Variants in SYNE2 observed in about 807,000 individuals in gnomAD.
The protein encoded by SYNE2 is spectrin repeat containing nuclear envelope protein 2, also known as nesprin-2.
In SYNE2, 431 loss-of-function variants were observed where a neutral mutation model predicts 856.3. The observed-to-expected ratio is 0.50, with a 90% CI of 0.47 to 0.55. The LOEUF (loss-of-function observed/expected upper bound fraction) is 0.55. Ranked by LOEUF, SYNE2 falls within the 20% of genes least tolerant of loss-of-function variation. The pLI, the probability that SYNE2 is intolerant of heterozygous loss-of-function variation, is 0.00. For missense variants in SYNE2, 8,129 were observed against 8,023.2 expected (o/e 1.01, Z -0.50); for synonymous variants, 2,923 against 2,872.3 (o/e 1.02, Z -0.56).
At chr14:64,030,752 A>G in intron 44 of SYNE2, among the ~76,000 whole-genome samples, 1 of 152,226 alleles carries the variant, frequency 6.6e-6, no homozygotes, top group East Asian at 1.9e-4. Flanking sequence ...AAACATATAT[A>G]TTCAACGAAT....
At chr14:63,791,967 T>C (rs1313299934) in intron 1 of SYNE2, among the ~76,000 whole-genome samples, 2 of 143,720 alleles carry the variant, frequency 1.4e-5, no homozygotes, top group Admixed American at 6.9e-5. Flanking sequence ...AAAACAAAAC[T>C]TAAAAATGAA....
intron 2 of SYNE2, among the ~76,000 whole-genome samples, chr14:63,919,972 G>GTTTTTTTTTTTTTTTTTT (rs10673123): frequency 0.013 from 1,459 of 110,100 alleles, 60 homozygotes; most frequent in South Asian, 0.022. Context: ...TAAAAGGTAA[G>GTTTTTTTTTTTTTTTTTT]TTTTTTTTTT....
intron 1 of SYNE2, among the ~76,000 whole-genome samples, chr14:63,881,465 A>G (rs2094862150): frequency 6.6e-6 from 1 of 151,962 alleles, no homozygotes; most frequent in Admixed American, 6.6e-5. Flanking sequence ...CCTAGGCAGC[A>G]TAGTGAGACC....
chr14:63,825,108 G>A (rs550979265), intron 1 of SYNE2, among the ~76,000 whole-genome samples: 1 of 152,096 alleles, frequency 6.6e-6, no homozygotes, highest in South Asian at 2.1e-4. Flanking sequence ...AAAAAAAAAA[G>A]TTAGGGACAG....
At chr14:63,923,999 G>T (rs984192851) in intron 2 of SYNE2, among the ~76,000 whole-genome samples, 5 of 151,472 alleles carry the variant, frequency 3.3e-5, no homozygotes, top group African/African-American at 1.2e-4. Context: ...TAGAGACACG[G>T]TTTCACCATG....
chr14:64,129,879 TC>T lies in SYNE2; in HGVS notation c.14119del (p.Gln4707ArgfsTer6). 1 of 1,614,156 alleles carries T rather than the reference TC, an allele frequency of 6.2e-7. No individual in the cohort carries two copies. The highest frequency in any genetic ancestry group is 1.1e-5 in the South Asian group (1 of 91,082). On this transcript the variant is annotated frameshift_variant, in exon 75 of 116. Transcript: ENST00000555002. LOFTEE classifies it high-confidence loss of function. The stretch of plus-strand genomic sequence containing the variant: ...AGGCTTCATTTACCTTATGCTTTAC[TC>T]CAGGAGGTTTACAAATTAGAGGTAT... The part of the protein sequence containing the change: ...GERLHLPYAL[L>X]QEVYKLEDVL...
intron 23 of SYNE2, among the ~76,000 whole-genome samples, chr14:63,996,222 T>A (rs934735420): frequency 6.6e-6 from 1 of 152,218 alleles, no homozygotes; most frequent in African/African-American, 2.4e-5. Context: ...TCAGCCTTAA[T>A]TAAATCTGTT....
At chr14:64,170,854 A>T (rs895333889) in intron 94 of SYNE2, among the ~76,000 whole-genome samples, 1 of 152,200 alleles carries the variant, frequency 6.6e-6, no homozygotes, top group African/African-American at 2.4e-5. Context: ...GGCAAATTCA[A>T]TGGGTACAAA....
At chr14:63,874,523 T>C (rs776038264) in intron 1 of SYNE2, among the ~76,000 whole-genome samples, 1 of 152,220 alleles carries the variant, frequency 6.6e-6, no homozygotes, top group Non-Finnish European at 1.5e-5. Flanking sequence ...CTGAGCTCTC[T>C]TATCTTTAAA....
chr14:63,907,907 A>G (rs1307647269), intron 1 of SYNE2, among the ~76,000 whole-genome samples: 1 of 152,244 alleles, frequency 6.6e-6, no homozygotes, highest in African/African-American at 2.4e-5. Flanking sequence ...GGATAAACAA[A>G]TTAATCATTA....
chr14:64,220,715 C>T, intron 111 of SYNE2, 78 bp downstream of exon 111: 4 of 1,514,848 alleles, frequency 2.6e-6, no homozygotes, highest in Admixed American at 1.8e-5. Flanking sequence ...TTTTTATCAT[C>T]ATCAGGCTGC....
chr14:64,166,559 A>G (rs1238602550), intron 90 of SYNE2, among the ~76,000 whole-genome samples: 3 of 152,212 alleles, frequency 2.0e-5, no homozygotes. Context: ...TTAAGAATCA[A>G]ATTTTCATCA....
chr14:64,044,057 T>C (rs2097168378), intron 45 of SYNE2, among the ~76,000 whole-genome samples: 3 of 152,150 alleles, frequency 2.0e-5, no homozygotes, highest in African/African-American at 7.2e-5. Context: ...GAATGGTAGA[T>C]CCACTGACAG....
chr14:63,973,764 A>T (rs981711496), intron 11 of SYNE2, among the ~76,000 whole-genome samples: 1 of 152,188 alleles, frequency 6.6e-6, no homozygotes, highest in African/African-American at 2.4e-5. Context: ...CATTTTATGC[A>T]CAGTTCCATT....
intron 2 of SYNE2, among the ~76,000 whole-genome samples, chr14:63,912,968 C>G (rs1175066164): frequency 6.6e-6 from 1 of 152,142 alleles, no homozygotes; most frequent in African/African-American, 2.4e-5. Flanking sequence ...GGGTCTTGCT[C>G]TGTCACCCAG....
At chr14:64,085,354 A>G (rs1191956507) in intron 57 of SYNE2, among the ~76,000 whole-genome samples, 1 of 152,198 alleles carries the variant, frequency 6.6e-6, no homozygotes, top group African/African-American at 2.4e-5. Flanking sequence ...TTAGAATTAA[A>G]TTAGTAAGTC....
intron 45 of SYNE2, among the ~76,000 whole-genome samples, chr14:64,040,746 C>T (rs556455582): frequency 3.3e-5 from 5 of 150,244 alleles, no homozygotes; most frequent in Admixed American, 2.7e-4. Context: ...GGCTATACTG[C>T]AATGATTGAA....
intron 1 of SYNE2, among the ~76,000 whole-genome samples, chr14:63,790,982 CAG>C (rs1432767955): frequency 1.3e-4 from 19 of 151,282 alleles, no homozygotes; most frequent in Non-Finnish European, 2.4e-4. Context: ...TTTTTTTAGA[CAG>C]AGTCTCGCTG....
At chr14:63,892,145 C>T (rs560588043) in intron 1 of SYNE2, among the ~76,000 whole-genome samples, 2 of 152,218 alleles carry the variant, frequency 1.3e-5, no homozygotes, top group South Asian at 4.1e-4. Context: ...AATCCTTCAT[C>T]AGTGGGAAAA....
Sources: gnomAD v4.1 joint callset for allele counts (sites outside exome capture counted in the v4.1 genomes callset) on GRCh38, gnomAD v4.1.1 for gene constraint, MANE v1.5 for transcripts, NCBI Gene and HGNC (gene_info 2026-07-23, HGNC 2026-07-21) for gene names.